The following AK8 variants were observed in gnomAD, a reference collection of about 807,000 sequenced individuals.
AK8 encodes the protein ATP-AMP transphosphorylase 8.
Under a neutral mutation model 54.6 loss-of-function variants are expected in AK8, and 44 were observed. The ratio of observed to expected loss-of-function variants is 0.81; its 90% confidence interval spans 0.63 to 1.04. AK8 has a LOEUF of 1.04. Among genes scored for constraint, AK8 ranks in the 50% least tolerant of loss-of-function variants. The pLI, the probability that AK8 is intolerant of heterozygous loss-of-function variation, is 0.00. For missense variants in AK8, 555 were observed against 613.6 expected, an observed-to-expected ratio of 0.90 and a Z score of 1.01; for synonymous variants, 239 against 245.6, an observed-to-expected ratio of 0.97 and a Z score of 0.25.
chr9:132,783,706 A>C (rs909059704), intron 11 of AK8, among the ~76,000 whole-genome samples: 1 of 152,180 alleles, frequency 6.6e-6, no homozygotes, highest in African/African-American at 2.4e-5. Flanking sequence ...GGACTCCATG[A>C]TATAGGAAGT....
chr9:132,878,205 G>T lies in AK8; in HGVS notation c.51C>A (p.Tyr17Ter). The change falls in exon 1 of 13, where the codon TAC becomes TAA. Residue 17 changes from tyrosine (Y) to a stop codon, truncating the protein, a stop_gained. Transcript: ENST00000298545. LOFTEE classifies it high-confidence loss of function. The surrounding 1 kb of genome is among the most constrained non-coding windows in gnomAD (Gnocchi z 4.7). ...PHRIPPEMPQ[Y>*]GEENHIFELM... ...ACTCGAAGATGTGGTTCTCCTCCCC[G>T]TACTGGGGCATCTCGGGGGGGATAC... 1 of 1,467,070 alleles carries T rather than the reference G, an allele frequency of 6.8e-7. No homozygotes were observed. The highest frequency in any genetic ancestry group is 1.5e-5 in the South Asian group (1 of 68,038). The allele number at this position is 1,467,070 out of a possible 1,614,324, so 90.9% of individuals were successfully genotyped here.
chr9:132,850,951 C>T (rs563219442), intron 5 of AK8, among the ~76,000 whole-genome samples: 18 of 150,752 alleles, frequency 1.2e-4, no homozygotes, highest in South Asian at 8.4e-4. Flanking sequence ...AGGAAATGTG[C>T]GCCACCCGCC....
At chr9:132,846,039 C>T (rs760763930) in intron 5 of AK8, among the ~76,000 whole-genome samples, 4 of 152,182 alleles carry the variant, frequency 2.6e-5, no homozygotes, top group African/African-American at 9.7e-5. Context: ...GACACACAGA[C>T]GATCACTGGC....
intron 11 of AK8, 59 bp from the exon 12 acceptor site, chr9:132,727,593 T>C (rs1836636380): frequency 2.6e-6 from 4 of 1,511,736 alleles, no homozygotes; most frequent in Middle Eastern, 1.7e-4. Context: ...TATGATGCTG[T>C]GACATCCTGG....
chr9:132,804,694 C>T lies in AK8; in HGVS notation c.979+9944G>A, dbSNP rs367716079. ...GTGCCCTTGTCACCCAGAGCAGCAG[C>T]GACAGGTGTGAAGCTGCAGGGCGTG... On this transcript the variant is annotated intron_variant, in intron 10 of 12. Coordinates refer to ENST00000298545, the MANE Select transcript of AK8 (RefSeq NM_152572.3). 2.2e-3 allele frequency among the ~76,000 whole-genome samples: 342 copies of T among 152,312 alleles called. 1 individual carries two copies. Among genetic ancestry groups the T allele is most frequent in the Non-Finnish European group, 3.9e-3 (262 of 68,022 alleles).
At chr9:132,870,846 C>T (rs1187264687) in intron 2 of AK8, among the ~76,000 whole-genome samples, 1 of 152,084 alleles carries the variant, frequency 6.6e-6, no homozygotes, top group Non-Finnish European at 1.5e-5. Flanking sequence ...CCCAGGGGAA[C>T]AAAAACACAC....
In AK8 at chr9:132,735,854, A is replaced by G. The variant is rs561262482; in HGVS notation, c.1122-8320T>C. ...TGAATGGATAAACAAAATGTGGTCT[A>G]TACAGTCATGCGTTGCTTAATAACA... On this transcript the variant is annotated intron_variant, in intron 11 of 12. Transcript: ENST00000298545. Among the ~76,000 whole-genome samples the G allele has an allele frequency of 2.6e-5, 4 of 152,384 alleles. No individual in the cohort carries two copies. The South Asian group carries it at 8.3e-4, about 32-fold the overall frequency.
intron 11 of AK8, among the ~76,000 whole-genome samples, chr9:132,788,981 A>T (rs1292509705): frequency 6.6e-6 from 1 of 152,230 alleles, no homozygotes; most frequent in Non-Finnish European, 1.5e-5. Flanking sequence ...TCATATTATG[A>T]CAAACTTAGC....
chr9:132,744,603 A>C (rs1030598338), intron 11 of AK8, among the ~76,000 whole-genome samples: 1 of 152,154 alleles, frequency 6.6e-6, no homozygotes, highest in Non-Finnish European at 1.5e-5. Flanking sequence ...TTCTGGAAAA[A>C]CCTAAATCTG....
At chr9:132,810,737 T>C (rs968422408) in intron 10 of AK8, among the ~76,000 whole-genome samples, 5 of 152,136 alleles carry the variant, frequency 3.3e-5, no homozygotes, top group African/African-American at 9.7e-5. Flanking sequence ...CATCCTCATA[T>C]GACCTTCTTG....
chr9:132,823,067 G>A, intron 9 of AK8, 138 bp downstream of exon 9: 1 of 1,253,876 alleles, frequency 8.0e-7, no homozygotes, highest in Non-Finnish European at 1.1e-6. Context: ...AAATGGTTAA[G>A]AACAAAGAGC....
intron 11 of AK8, among the ~76,000 whole-genome samples, chr9:132,748,136 G>A (rs932587933): frequency 6.6e-6 from 1 of 151,744 alleles, no homozygotes; most frequent in Non-Finnish European, 1.5e-5. Flanking sequence ...AAAATCACAA[G>A]AACAGGTTTA....
intron 11 of AK8, among the ~76,000 whole-genome samples, chr9:132,738,081 T>C (rs949522768): frequency 1.3e-4 from 19 of 150,642 alleles, no homozygotes; most frequent in East Asian, 7.8e-4. Flanking sequence ...TGAGACAGAG[T>C]CTCACTCTGT....
intron 5 of AK8, among the ~76,000 whole-genome samples, chr9:132,836,446 A>G: frequency 6.6e-6 from 1 of 152,132 alleles, no homozygotes; most frequent in East Asian, 1.9e-4. Flanking sequence ...ACTTAATATT[A>G]AAAAAAATTG....
intron 11 of AK8, among the ~76,000 whole-genome samples, chr9:132,740,204 C>T (rs1189164996): frequency 1.3e-5 from 2 of 152,234 alleles, no homozygotes; most frequent in Admixed American, 6.5e-5. Flanking sequence ...ACTGGTCAGA[C>T]AGCCACTTTT....
chr9:132,728,740 T>A (rs1836689889), intron 11 of AK8, among the ~76,000 whole-genome samples: 1 of 152,118 alleles, frequency 6.6e-6, no homozygotes, highest in South Asian at 2.1e-4. Context: ...AGGACACTCC[T>A]GCTAATAAGC....
rs906111419 is a variant in AK8 at position 132,833,617 on chromosome 9, G to A, written c.403-4891C>T. The stretch of plus-strand genomic sequence containing the variant: ...TGTTTTATCACACATCAAAAAGGCC[G>A]TATGCTCAGGGCACTCCAGGCACCA... On this transcript the variant is annotated intron_variant, in intron 5 of 12. Transcript: ENST00000298545. Among the ~76,000 whole-genome samples the A allele has an allele frequency of 2.6e-5, 4 of 152,164 alleles. No homozygotes were observed. The East Asian group carries it at 5.8e-4, about 22-fold the overall frequency.
chr9:132,832,746 C>G (rs927843111), intron 5 of AK8, among the ~76,000 whole-genome samples: 1 of 152,232 alleles, frequency 6.6e-6, no homozygotes, highest in African/African-American at 2.4e-5. Flanking sequence ...GGGAACAGCT[C>G]TCACTGACTT....
chr9:132,834,116 T>C (rs1842222108), intron 5 of AK8, among the ~76,000 whole-genome samples: 1 of 152,210 alleles, frequency 6.6e-6, no homozygotes, highest in Admixed American at 6.5e-5. Flanking sequence ...GATAAATCAG[T>C]TTCGCTCAGT....
Sources: gnomAD v4.1 joint callset for allele counts (sites outside exome capture counted in the v4.1 genomes callset) on GRCh38, gnomAD v4.1.1 for gene constraint, Gnocchi (gnomAD v3.1) non-coding constraint, MANE v1.5 for transcripts, NCBI Gene and HGNC (gene_info 2026-07-23, HGNC 2026-07-21) for gene names.